The following GRID2 variants were observed in gnomAD, a reference collection of about 807,000 sequenced individuals.
GRID2 encodes the protein glutamate receptor ionotropic, delta-2.
GRID2 carries 33 observed loss-of-function variants against 114.8 expected under a neutral mutation model. The ratio of observed to expected loss-of-function variants is 0.29; its 90% confidence interval spans 0.22 to 0.38. GRID2 has a LOEUF of 0.38. Ranked by LOEUF, GRID2 falls within the 10% of genes least tolerant of loss-of-function variation. The probability of loss-of-function intolerance (pLI) is 1.00; values close to 1 mark genes in which losing one functional copy is unlikely to be tolerated. For synonymous variants in GRID2, 505 were observed against 449.9 expected, an observed-to-expected ratio of 1.12 and a Z score of -1.55; for missense variants, 1,184 against 1,257.7, an observed-to-expected ratio of 0.94 and a Z score of 0.89.
intron 1 of GRID2, among the ~76,000 whole-genome samples, chr4:92,444,874 A>G (rs1733364875): frequency 6.6e-6 from 1 of 152,168 alleles, no homozygotes; most frequent in Admixed American, 6.5e-5. Context: ...ATTTAAACAA[A>G]TAGGTAAATA....
At chr4:93,344,774 C>T (rs1242482271) in intron 8 of GRID2, among the ~76,000 whole-genome samples, 1 of 151,634 alleles carries the variant, frequency 6.6e-6, no homozygotes, top group African/African-American at 2.4e-5. Flanking sequence ...TCCCCATTTC[C>T]ACCGCCAGCC....
At chr4:92,636,883 A>T (rs76220196) in intron 2 of GRID2, among the ~76,000 whole-genome samples, 8,475 of 151,696 alleles carry the variant, frequency 0.056, 306 homozygotes, top group East Asian at 0.16. Flanking sequence ...TGTTTTTTTT[A>T]ATTTTATTTG....
chr4:93,788,243 G>A (rs1394542805), intron 1 of GRID2, among the ~76,000 whole-genome samples: 10 of 151,030 alleles, frequency 6.6e-5, no homozygotes, highest in Non-Finnish European at 1.5e-4. Flanking sequence ...GCTTGAACCC[G>A]GGAGGCGGAG....
intron 4 of GRID2, among the ~76,000 whole-genome samples, chr4:93,189,437 C>T (rs1176019731): frequency 6.6e-6 from 1 of 152,062 alleles, no homozygotes; most frequent in Admixed American, 6.6e-5. Flanking sequence ...GACGGTTATG[C>T]TCACATGACC....
intron 14 of GRID2, among the ~76,000 whole-genome samples, chr4:93,661,956 T>A (rs1474241734): frequency 6.6e-6 from 1 of 152,152 alleles, no homozygotes; most frequent in Non-Finnish European, 1.5e-5. Flanking sequence ...TCCTACAGCA[T>A]GTGGGCTCCC....
intron 2 of GRID2, among the ~76,000 whole-genome samples, chr4:93,077,761 G>A (rs1229998756): frequency 6.6e-6 from 1 of 152,086 alleles, no homozygotes; most frequent in Non-Finnish European, 1.5e-5. Flanking sequence ...TTAAGTATAG[G>A]ACAGATAAGG....
At chr4:92,699,382 T>A (rs766640148) in intron 2 of GRID2, among the ~76,000 whole-genome samples, 14 of 152,174 alleles carry the variant, frequency 9.2e-5, no homozygotes, top group Non-Finnish European at 1.8e-4. Context: ...CAGATAGGCC[T>A]ATTAGTCTTG....
chr4:92,315,725 C>G (rs965981258), intron 1 of GRID2, among the ~76,000 whole-genome samples: 2 of 152,072 alleles, frequency 1.3e-5, no homozygotes, highest in Non-Finnish European at 2.9e-5. Context: ...AATCCCAACA[C>G]TTCGGGAGGC....
chr4:93,144,408 A>G (rs1432239619), intron 4 of GRID2, among the ~76,000 whole-genome samples: 1 of 152,234 alleles, frequency 6.6e-6, no homozygotes, highest in Admixed American at 6.5e-5. Flanking sequence ...CATCAGAGCT[A>G]GTTTTTAAGC....
At chr4:93,051,596 A>G (rs1011701960) in intron 2 of GRID2, among the ~76,000 whole-genome samples, 1 of 152,080 alleles carries the variant, frequency 6.6e-6, no homozygotes, top group Non-Finnish European at 1.5e-5. Flanking sequence ...AGATCGCTGA[A>G]GAAGCTATTG....
intron 8 of GRID2, among the ~76,000 whole-genome samples, chr4:93,282,575 T>C (rs765263080): frequency 3.3e-5 from 5 of 152,036 alleles, no homozygotes; most frequent in Non-Finnish European, 7.4e-5. Flanking sequence ...TAATCAATGA[T>C]AGCAGAGTCT....
intron 8 of GRID2, among the ~76,000 whole-genome samples, chr4:93,279,637 T>A (rs115949022): frequency 6.6e-6 from 1 of 152,054 alleles, no homozygotes; most frequent in African/African-American, 2.4e-5. Context: ...ATATTTCGAC[T>A]CCTAAGATAT....
At position 93,087,665 on chromosome 4, in the gene GRID2, A is replaced by G. The variant is rs150252126; in HGVS notation, c.529+2386A>G. Among the ~76,000 whole-genome samples, 1,356 of 152,206 alleles carry G rather than the reference A, an allele frequency of 8.9e-3. 9 individuals are homozygous for G. Among genetic ancestry groups the G allele is most frequent in the Non-Finnish European group, 0.014 (943 of 67,972 alleles). ...ATCTGAGGTTTGCTTTAGGAATTTTATTTTTGGGATAAACTTGCTTTTTCA... is the reference window on the plus strand; with the variant it reads ...ATCTGAGGTTTGCTTTAGGAATTTTGTTTTTGGGATAAACTTGCTTTTTCA... On this transcript the variant is annotated intron_variant, in intron 3 of 15. Coordinates refer to ENST00000282020, the MANE Select transcript of GRID2 (RefSeq NM_001510.4).
At chr4:93,549,191 C>T (rs1733527807) in intron 13 of GRID2, among the ~76,000 whole-genome samples, 1 of 152,076 alleles carries the variant, frequency 6.6e-6, no homozygotes, top group Non-Finnish European at 1.5e-5. Context: ...ACATGTCAAA[C>T]CAAGATCGCA....
At chr4:92,674,903 C>G (rs187517028) in intron 2 of GRID2, among the ~76,000 whole-genome samples, 1 of 152,282 alleles carries the variant, frequency 6.6e-6, no homozygotes, top group East Asian at 1.9e-4. Context: ...CTATTACTTT[C>G]AAAACCTCTG....
At chr4:93,794,024 A>AC (rs763164722) in intron 1 of GRID2, among the ~76,000 whole-genome samples, 206 of 147,166 alleles carry the variant, frequency 1.4e-3, no homozygotes, top group African/African-American at 3.1e-3. Context: ...TCCCATCTGC[A>AC]GAAAAAAAAA....
chr4:93,073,177 C>G (rs940901978), intron 2 of GRID2, among the ~76,000 whole-genome samples: 1 of 152,160 alleles, frequency 6.6e-6, no homozygotes. Flanking sequence ...ACTAGTGATG[C>G]TGGAAGTGTT....
At chr4:92,414,971 T>C (rs970933805) in intron 1 of GRID2, among the ~76,000 whole-genome samples, 3 of 152,130 alleles carry the variant, frequency 2.0e-5, no homozygotes, top group African/African-American at 7.2e-5. Context: ...CTAGATATAC[T>C]AGACAAGATG....
intron 14 of GRID2, among the ~76,000 whole-genome samples, chr4:93,647,951 G>A (rs1157433317): frequency 6.6e-6 from 1 of 152,148 alleles, no homozygotes; most frequent in Non-Finnish European, 1.5e-5. Flanking sequence ...CCCCAGAAGA[G>A]CTGCTATTAT....
Sources: allele counts gnomAD v4.1 joint callset (sites outside exome capture counted in the v4.1 genomes callset), GRCh38; gene constraint gnomAD v4.1.1; transcripts MANE v1.5; gene names NCBI Gene and HGNC (gene_info 2026-07-23, HGNC 2026-07-21).